Variants in SHISA9 observed in about 807,000 individuals in gnomAD.
SHISA9 encodes the protein shisa family member 9.
In SHISA9, 13 loss-of-function variants were observed where a neutral mutation model predicts 38.0. That is an observed-to-expected ratio of 0.34 (90% CI 0.22 to 0.54). The LOEUF (loss-of-function observed/expected upper bound fraction) is 0.54, where lower values mean the gene tolerates loss of function less well. Among genes scored for constraint, SHISA9 ranks in the 20% least tolerant of loss-of-function variants. The pLI is 0.91. For missense variants in SHISA9, 538 were observed against 575.8 expected (o/e 0.93, Z 0.67); for synonymous variants, 275 against 242.0 (o/e 1.14, Z -1.27).
At chr16:13,128,958 CTT>C (rs1418940800) in intron 2 of SHISA9, among the ~76,000 whole-genome samples, 4 of 152,184 alleles carry the variant, frequency 2.6e-5, no homozygotes, top group Non-Finnish European at 5.9e-5. Context: ...CAGAACAAAA[CTT>C]TGCTGTTTAC....
chr16:13,524,467 T>C, the SHISA9 span, among the ~76,000 whole-genome samples: 1 of 152,230 alleles, frequency 6.6e-6, no homozygotes, highest in Non-Finnish European at 1.5e-5. Flanking sequence ...CTCTTGAAGA[T>C]AGCTCCACTG....
At chr16:13,319,405 A>G in the SHISA9 span, among the ~76,000 whole-genome samples, 1 of 152,232 alleles carries the variant, frequency 6.6e-6, no homozygotes, top group Non-Finnish European at 1.5e-5. Context: ...CGTTGGAAGA[A>G]CTGTCAAACA....
intron 2 of SHISA9, among the ~76,000 whole-genome samples, chr16:13,127,355 AGGAG>A (rs775721354): frequency 8.6e-5 from 10 of 115,738 alleles, no homozygotes; most frequent in Non-Finnish European, 1.6e-4. Flanking sequence ...GGGAGGGAGA[AGGAG>A]GGAAGGAGAG....
the SHISA9 span, among the ~76,000 whole-genome samples, chr16:13,330,853 C>T: frequency 6.6e-6 from 1 of 152,092 alleles, no homozygotes; most frequent in Non-Finnish European, 1.5e-5. Flanking sequence ...TGATATCTAG[C>T]CCATACTCCA....
intron 2 of SHISA9, among the ~76,000 whole-genome samples, chr16:13,076,852 T>C (rs1466475770): frequency 6.6e-6 from 1 of 152,244 alleles, no homozygotes; most frequent in Non-Finnish European, 1.5e-5. Flanking sequence ...CTACTTGTCA[T>C]GGTCCCTGTA....
At chr16:13,032,220 T>C (rs1219758001) in intron 2 of SHISA9, among the ~76,000 whole-genome samples, 1 of 152,110 alleles carries the variant, frequency 6.6e-6, no homozygotes, top group African/African-American at 2.4e-5. Flanking sequence ...TTTCCCTCAC[T>C]GTGTCAGTGC....
the SHISA9 span, among the ~76,000 whole-genome samples, chr16:13,317,754 C>G: frequency 2.0e-5 from 3 of 152,168 alleles, no homozygotes; most frequent in Non-Finnish European, 2.9e-5. Flanking sequence ...AACCATCTGT[C>G]CCTTCATGTG....
At chr16:13,446,787 G>A in the SHISA9 span, among the ~76,000 whole-genome samples, 7 of 151,964 alleles carry the variant, frequency 4.6e-5, no homozygotes, top group East Asian at 1.2e-3. Context: ...GACCAGCCTG[G>A]CCAACATGAT....
At chr16:13,405,561 G>A in the SHISA9 span, among the ~76,000 whole-genome samples, 1 of 152,206 alleles carries the variant, frequency 6.6e-6, no homozygotes, top group African/African-American at 2.4e-5. Context: ...TTTGGGTACA[G>A]TTGATCCTAT....
chr16:13,008,641 C>A, intron 2 of SHISA9, among the ~76,000 whole-genome samples: 2 of 47,928 alleles, frequency 4.2e-5, no homozygotes, highest in African/African-American at 9.3e-5. Flanking sequence ...TCTCCTCCCT[C>A]CCTCCCTCCC....
the SHISA9 span, among the ~76,000 whole-genome samples, chr16:13,477,118 A>G: frequency 6.6e-6 from 1 of 152,138 alleles, no homozygotes; most frequent in Non-Finnish European, 1.5e-5. Flanking sequence ...CACTTATTGC[A>G]TACCTACAAG....
At chr16:13,411,827 GC>G in the SHISA9 span, among the ~76,000 whole-genome samples, 3 of 152,196 alleles carry the variant, frequency 2.0e-5, no homozygotes, top group African/African-American at 7.2e-5. Context: ...GGAGGCCAGA[GC>G]CCAGATAAAA....
rs531337809 is a variant in SHISA9, at chr16:13,208,347, C to A, written c.847+4798C>A. On this transcript the variant is annotated intron_variant, in intron 3 of 4. Transcript: ENST00000558583. ...GCAAATTCTCCCCAAACCTGCCTTC[C>A]TTTCTATTTTATTGTATTTTATTTT... Among the ~76,000 whole-genome samples, 29 of 152,038 alleles carry A rather than the reference C, an allele frequency of 1.9e-4. 1 individual carries two copies. Among genetic ancestry groups the A allele is most frequent in the Admixed American group, 1.8e-3 (27 of 15,278 alleles).
At chr16:13,450,941 G>T in the SHISA9 span, among the ~76,000 whole-genome samples, 3 of 152,142 alleles carry the variant, frequency 2.0e-5, no homozygotes, top group African/African-American at 7.2e-5. Flanking sequence ...TGCTATCAGT[G>T]TCCCCTCTTT....
chr16:13,099,667 C>A (rs6498381), intron 2 of SHISA9, among the ~76,000 whole-genome samples: 14,723 of 151,988 alleles, frequency 0.097, 2,409 homozygotes, highest in African/African-American at 0.34. Flanking sequence ...GGCTGGACCC[C>A]GATGGGCAGC....
chr16:13,069,515 CAT>C (rs1329127794), intron 2 of SHISA9, among the ~76,000 whole-genome samples: 10 of 151,340 alleles, frequency 6.6e-5, no homozygotes, highest in Non-Finnish European at 1.5e-4. Flanking sequence ...TATGTGTATA[CAT>C]GTGTGTACAC....
intron 2 of SHISA9, among the ~76,000 whole-genome samples, chr16:13,117,962 G>A (rs905750911): frequency 7.2e-5 from 11 of 151,950 alleles, no homozygotes; most frequent in Admixed American, 3.9e-4. Flanking sequence ...TGGGCGGATC[G>A]CCTGAGATCA....
At chr16:13,556,692 A>G in the SHISA9 span, among the ~76,000 whole-genome samples, 67 of 152,070 alleles carry the variant, frequency 4.4e-4, no homozygotes, top group African/African-American at 1.5e-3. Context: ...TAAACAAACA[A>G]ACAAACACTC....
chr16:13,449,186 T>G, the SHISA9 span, among the ~76,000 whole-genome samples: 1 of 152,138 alleles, frequency 6.6e-6, no homozygotes, highest in Non-Finnish European at 1.5e-5. Flanking sequence ...AAATAGAGTA[T>G]AAAATTAAAT....
Sources: gnomAD v4.1 joint callset for allele counts (sites outside exome capture counted in the v4.1 genomes callset) on GRCh38, gnomAD v4.1.1 for gene constraint, MANE v1.5 for transcripts, NCBI Gene and HGNC (gene_info 2026-07-23, HGNC 2026-07-21) for gene names.